TMEM132D: variants seen among roughly 807,000 people sequenced by gnomAD.
The protein encoded by TMEM132D is transmembrane protein 132D, also known as mature OL transmembrane protein.
A neutral mutation model predicts 62.3 loss-of-function variants in TMEM132D; 21 were observed. The observed-to-expected ratio is 0.34, with a 90% CI of 0.24 to 0.49. The LOEUF is 0.49. Ranked by LOEUF, TMEM132D falls within the 20% of genes least tolerant of loss-of-function variation. The probability of loss-of-function intolerance (pLI) is 0.99; values close to 1 mark genes in which losing one functional copy is unlikely to be tolerated. For synonymous variants in TMEM132D, 621 were observed against 575.6 expected (o/e 1.08, Z -1.13); for missense variants, 1,346 against 1,402.8 (o/e 0.96, Z 0.65).
intron 5 of TMEM132D, among the ~76,000 whole-genome samples, chr12:129,115,918 C>T (rs930934956): frequency 2.6e-5 from 4 of 152,190 alleles, no homozygotes; most frequent in African/African-American, 9.7e-5. Flanking sequence ...ATGGAGGGGC[C>T]CTCACAAAGG....
intron 1 of TMEM132D, among the ~76,000 whole-genome samples, chr12:129,859,969 A>G (rs1282600908): frequency 6.6e-6 from 1 of 152,150 alleles, no homozygotes; most frequent in African/African-American, 2.4e-5. Context: ...CCTTTCATGT[A>G]TACATCTCCC....
Position 129,146,595 on chromosome 12 carries a change from T to C in TMEM132D, c.1444-61893A>G, listed in dbSNP as rs111860708. Among the ~76,000 whole-genome samples the C allele has an allele frequency of 2.4e-4, 37 of 152,264 alleles. 1 individual carries two copies. The highest frequency in any genetic ancestry group is 8.9e-4 in the African/African-American group (37 of 41,560). ...AGGTGCTTCGTAATCTGGTCACACA[T>C]TACCTGTCCAGACTCAACACACACT... On this transcript the variant is annotated intron_variant, in intron 5 of 8. Coordinates refer to ENST00000422113, the MANE Select transcript of TMEM132D (RefSeq NM_133448.3).
chr12:129,862,385 C>T (rs1873927435), intron 1 of TMEM132D, among the ~76,000 whole-genome samples: 1 of 152,196 alleles, frequency 6.6e-6, no homozygotes, highest in African/African-American at 2.4e-5. Flanking sequence ...CTTCAGGAGC[C>T]AAGAGCGAAG....
Position 129,296,609 on chromosome 12 carries a change from C to G in TMEM132D, c.1299+41025G>C, listed in dbSNP as rs577004118. On this transcript the variant is annotated intron_variant, in intron 4 of 8. Transcript: ENST00000422113. ...TGTAATTCTGTTTTCCTGAAGTTTC[C>G]TACACCTTCCCATCCAAGGTGTGAG... 2.4e-3 allele frequency among the ~76,000 whole-genome samples: 369 copies of G among 152,272 alleles called. 1 individual carries two copies. Among genetic ancestry groups the G allele is most frequent in the Non-Finnish European group, 4.1e-3 (282 of 68,014 alleles).
At chr12:129,151,010 G>T (rs1169738693) in intron 5 of TMEM132D, among the ~76,000 whole-genome samples, 1 of 152,198 alleles carries the variant, frequency 6.6e-6, no homozygotes, top group Non-Finnish European at 1.5e-5. Flanking sequence ...TCCCCTGGAG[G>T]ATCCCAGAAG....
intron 4 of TMEM132D, among the ~76,000 whole-genome samples, chr12:129,312,492 T>G (rs1220278535): frequency 1.3e-5 from 2 of 152,244 alleles, no homozygotes; most frequent in African/African-American, 4.8e-5. Context: ...TTCATTAACG[T>G]ATTTATTCAT....
intron 1 of TMEM132D, among the ~76,000 whole-genome samples, chr12:129,747,651 A>T (rs1258242124): frequency 6.6e-6 from 1 of 150,452 alleles, no homozygotes; most frequent in African/African-American, 2.4e-5. Context: ...TACATACACC[A>T]GACACAGACA....
rs114454626 is a variant in TMEM132D at position 129,449,090 on chromosome 12, G to A, written c.1115+81969C>T. On this transcript the variant is annotated intron_variant, in intron 3 of 8. Coordinates refer to ENST00000422113, the MANE Select transcript of TMEM132D (RefSeq NM_133448.3). ...TTGTTTGTTTTTCTTTTATCTTCCG[G>A]ATAAAGTGAGATTTCATGGTTCACA... Among the ~76,000 whole-genome samples the A allele has an allele frequency of 6.5e-3, 982 of 152,192 alleles. 16 individuals carry two copies. Among genetic ancestry groups the A allele is most frequent in the African/African-American group, 0.023 (938 of 41,504 alleles).
intron 3 of TMEM132D, among the ~76,000 whole-genome samples, chr12:129,505,522 C>T (rs1254667638): frequency 6.6e-6 from 1 of 152,198 alleles, no homozygotes; most frequent in Non-Finnish European, 1.5e-5. Flanking sequence ...GGATTACAGG[C>T]ATGAGCCACC....
intron 3 of TMEM132D, among the ~76,000 whole-genome samples, chr12:129,404,603 G>A (rs1871721651): frequency 6.6e-6 from 1 of 152,172 alleles, no homozygotes; most frequent in Admixed American, 6.5e-5. Context: ...GACTCGGGAA[G>A]CTCCCAATCA....
intron 4 of TMEM132D, among the ~76,000 whole-genome samples, chr12:129,252,382 G>A (rs1880292228): frequency 6.6e-6 from 1 of 152,130 alleles, no homozygotes; most frequent in Non-Finnish European, 1.5e-5. Context: ...AAAGAGAGAA[G>A]ATGAGTTTTG....
At chr12:129,198,081 G>C (rs1023163850) in intron 5 of TMEM132D, among the ~76,000 whole-genome samples, 3 of 152,044 alleles carry the variant, frequency 2.0e-5, no homozygotes, top group Non-Finnish European at 2.9e-5. Flanking sequence ...ACCATTCCTT[G>C]GTTTTAATAT....
intron 2 of TMEM132D, among the ~76,000 whole-genome samples, chr12:129,547,230 G>C (rs948056914): frequency 1.3e-5 from 2 of 151,988 alleles, no homozygotes; most frequent in Non-Finnish European, 2.9e-5. Context: ...GTGTCTTCAC[G>C]GGGCCTTCCT....
At chr12:129,456,815 C>A (rs563962182) in intron 3 of TMEM132D, among the ~76,000 whole-genome samples, 1 of 152,030 alleles carries the variant, frequency 6.6e-6, no homozygotes, top group Non-Finnish European at 1.5e-5. Context: ...TTGGTTTCAG[C>A]CAGAGGAAAA....
intron 5 of TMEM132D, among the ~76,000 whole-genome samples, chr12:129,157,526 T>A (rs1877281995): frequency 6.6e-6 from 1 of 152,244 alleles, no homozygotes; most frequent in African/African-American, 2.4e-5. Flanking sequence ...TCAGTTAACC[T>A]GTGTGAAGCC....
At chr12:129,263,126 T>C (rs555690159) in intron 4 of TMEM132D, among the ~76,000 whole-genome samples, 1 of 152,288 alleles carries the variant, frequency 6.6e-6, no homozygotes, top group Non-Finnish European at 1.5e-5. Flanking sequence ...CCTCCAGTGG[T>C]GCACTTCACA....
chr12:129,081,702 A>C, intron 7 of TMEM132D, 57 bp downstream of exon 7: 1 of 1,526,418 alleles, frequency 6.6e-7, no homozygotes, highest in Non-Finnish European at 8.8e-7. Flanking sequence ...CTCTAGGTAG[A>C]GCAGAGGTGG....
At chr12:129,110,424 A>C (rs898025182) in intron 5 of TMEM132D, 4 of 152,174 alleles carry the variant, frequency 2.6e-5, no homozygotes, top group African/African-American at 7.2e-5. Flanking sequence ...ATTAACCTTG[A>C]GTGAGTCACG....
intron 5 of TMEM132D, among the ~76,000 whole-genome samples, chr12:129,105,611 T>C (rs145306764): frequency 0.023 from 3,317 of 144,682 alleles, 371 homozygotes; most frequent in African/African-American, 0.081. Context: ...CCGAAGGACA[T>C]GAACAGACAA....
Sources: allele counts gnomAD v4.1 joint callset (sites outside exome capture counted in the v4.1 genomes callset), GRCh38; gene constraint gnomAD v4.1.1; transcripts MANE v1.5; gene names NCBI Gene and HGNC (gene_info 2026-07-23, HGNC 2026-07-21).